The following GRIK1 variants were observed in gnomAD, a reference collection of about 807,000 sequenced individuals.
GRIK1 encodes glutamate ionotropic receptor kainate type subunit 1, also known as glutamate receptor ionotropic, kainate 1.
A neutral mutation model predicts 105.7 loss-of-function variants in GRIK1; 69 were observed. That is an observed-to-expected ratio of 0.65 (90% CI 0.54 to 0.80). The LOEUF is 0.80. GRIK1 is among the 30% of genes least tolerant of loss of function. The pLI is 0.00. For synonymous variants in GRIK1, 438 were observed against 431.3 expected, an observed-to-expected ratio of 1.02 and a Z score of -0.19; for missense variants, 1,109 against 1,167.3, an observed-to-expected ratio of 0.95 and a Z score of 0.73.
chr21:29,706,354 C>G (rs1345148310), intron 1 of GRIK1, among the ~76,000 whole-genome samples: 2 of 152,192 alleles, frequency 1.3e-5, no homozygotes, highest in African/African-American at 4.8e-5. Context: ...ATCTAAAAAG[C>G]TGACAGCATC....
intron 1 of GRIK1, among the ~76,000 whole-genome samples, chr21:29,719,522 G>T (rs533364863): frequency 1.3e-5 from 2 of 152,088 alleles, no homozygotes; most frequent in African/African-American, 2.4e-5. Flanking sequence ...TCCTTGAGAA[G>T]AATTTAAAAC....
chr21:29,590,704 G>C (rs927222573), intron 10 of GRIK1, among the ~76,000 whole-genome samples: 1 of 152,190 alleles, frequency 6.6e-6, no homozygotes, highest in African/African-American at 2.4e-5. Context: ...GTTGTAGAAA[G>C]TCAGAGGTTC....
At chr21:29,664,013 T>C (rs1036608345) in intron 4 of GRIK1, among the ~76,000 whole-genome samples, 4 of 152,148 alleles carry the variant, frequency 2.6e-5, no homozygotes, top group Non-Finnish European at 5.9e-5. Flanking sequence ...TGCTAACTAA[T>C]GAATGTGAAA....
At chr21:29,628,329 C>G (rs1292019131) in intron 7 of GRIK1, among the ~76,000 whole-genome samples, 2 of 152,188 alleles carry the variant, frequency 1.3e-5, no homozygotes, top group East Asian at 1.9e-4. Context: ...ATGCATTTAT[C>G]ATATGTTCAT....
At chr21:29,927,816 A>G (rs1026179343) in intron 1 of GRIK1, among the ~76,000 whole-genome samples, 1 of 152,166 alleles carries the variant, frequency 6.6e-6, no homozygotes, top group Non-Finnish European at 1.5e-5. Flanking sequence ...GGTTGCAGTG[A>G]GCCAAGATCG....
intron 1 of GRIK1, among the ~76,000 whole-genome samples, chr21:29,886,147 A>G (rs913676184): frequency 8.5e-5 from 13 of 152,172 alleles, no homozygotes; most frequent in African/African-American, 2.7e-4. Context: ...GGATACTTAA[A>G]AGAAACAAAT....
At chr21:29,547,682 G>A (rs1271528776) in intron 16 of GRIK1, among the ~76,000 whole-genome samples, 3 of 152,318 alleles carry the variant, frequency 2.0e-5, no homozygotes, top group South Asian at 2.1e-4. Flanking sequence ...TATTAGAAAC[G>A]TTATTTCTAA....
chr21:29,538,154 A>ATAATAAATAAATATTTATTAAT (rs1365633392), intron 16 of GRIK1, among the ~76,000 whole-genome samples: 210 of 152,322 alleles, frequency 1.4e-3, no homozygotes, highest in African/African-American at 4.4e-3. Flanking sequence ...GGACCAATAA[A>ATAATAAATAAATATTTATTAAT]ACATAATTTG....
chr21:29,713,225 G>A (rs2064099721), intron 1 of GRIK1, among the ~76,000 whole-genome samples: 1 of 152,028 alleles, frequency 6.6e-6, no homozygotes, highest in Non-Finnish European at 1.5e-5. Context: ...ATTCTTAATG[G>A]GATTCAGGTC....
In GRIK1 at chr21:29,792,508, A is replaced by G. The variant is rs547123601; in HGVS notation, c.119-98445T>C. Among the ~76,000 whole-genome samples, 3 of 152,358 alleles carry G rather than the reference A, an allele frequency of 2.0e-5. No homozygotes were observed. The East Asian group carries it at 5.8e-4, about 29-fold the overall frequency. On this transcript the variant is annotated intron_variant, in intron 1 of 17. Transcript: ENST00000327783. ...CAGACTTCTCAACATGAGAAATCCT[A>G]GAGCATTGTCAAAAGCAAGTTTCAT...
intron 1 of GRIK1, among the ~76,000 whole-genome samples, chr21:29,792,836 A>G (rs1569099588): frequency 6.6e-6 from 1 of 152,160 alleles, no homozygotes; most frequent in Admixed American, 6.5e-5. Context: ...AGCTCTTACC[A>G]AATGTAAATG....
chr21:29,597,673 A>T (rs1389356490), intron 8 of GRIK1: 1 of 467,176 alleles, frequency 2.1e-6, no homozygotes, highest in Non-Finnish European at 4.4e-6. Context: ...GGAAGCCAGA[A>T]GATGGGAGAG....
chr21:29,592,428 G>A (rs915275587), intron 9 of GRIK1, among the ~76,000 whole-genome samples: 10 of 152,192 alleles, frequency 6.6e-5, no homozygotes, highest in African/African-American at 1.9e-4. Context: ...TGGGTTGTGA[G>A]GTGGTGTAGA....
chr21:29,648,172 TC>T (rs1288736587), intron 6 of GRIK1, among the ~76,000 whole-genome samples: 1 of 152,222 alleles, frequency 6.6e-6, no homozygotes, highest in African/African-American at 2.4e-5. Flanking sequence ...TATGCTTTTT[TC>T]TAATTCCTAT....
At chr21:29,720,596 A>G (rs905048454) in intron 1 of GRIK1, among the ~76,000 whole-genome samples, 4 of 152,088 alleles carry the variant, frequency 2.6e-5, no homozygotes, top group African/African-American at 9.7e-5. Context: ...TGAAACTCCC[A>G]AGCAGCATCT....
intron 1 of GRIK1, among the ~76,000 whole-genome samples, chr21:29,920,809 C>T (rs1399257772): frequency 6.6e-6 from 1 of 151,908 alleles, no homozygotes; most frequent in African/African-American, 2.4e-5. Flanking sequence ...TCAGAAGAGG[C>T]ACCATACACA....
chr21:29,857,432 T>A (rs539414936), intron 1 of GRIK1, among the ~76,000 whole-genome samples: 1 of 152,288 alleles, frequency 6.6e-6, no homozygotes, highest in East Asian at 1.9e-4. Flanking sequence ...AAATGTTTCT[T>A]ACAACAATGC....
chr21:29,796,430 C>T (rs1367362372), intron 1 of GRIK1, among the ~76,000 whole-genome samples: 3 of 152,050 alleles, frequency 2.0e-5, no homozygotes, highest in East Asian at 3.9e-4. Context: ...TGTTAATTTT[C>T]ACCATTGAGA....
chr21:29,732,732 A>G (rs1184021890), intron 1 of GRIK1, among the ~76,000 whole-genome samples: 1 of 152,210 alleles, frequency 6.6e-6, no homozygotes, highest in Non-Finnish European at 1.5e-5. Flanking sequence ...ATATGCTAGT[A>G]GTGGAATAGG....
Sources: gnomAD v4.1 joint callset for allele counts (sites outside exome capture counted in the v4.1 genomes callset) on GRCh38, gnomAD v4.1.1 for gene constraint, MANE v1.5 for transcripts, NCBI Gene and HGNC (gene_info 2026-07-23, HGNC 2026-07-21) for gene names.